The following PTPDC1 variants were observed in gnomAD, a reference collection of about 807,000 sequenced individuals.
PTPDC1 encodes the protein protein tyrosine phosphatase domain-containing protein 1.
Under a neutral mutation model 75.3 loss-of-function variants are expected in PTPDC1, and 53 were observed. That is an observed-to-expected ratio of 0.70 (90% confidence interval 0.56 to 0.88). The LOEUF is 0.88. Among genes scored for constraint, PTPDC1 ranks in the 40% least tolerant of loss-of-function variants. The pLI is 0.00. For synonymous variants in PTPDC1, 349 were observed against 366.2 expected, an observed-to-expected ratio of 0.95 and a Z score of 0.54; for missense variants, 925 against 998.6, an observed-to-expected ratio of 0.93 and a Z score of 0.99.
intron 1 of PTPDC1, among the ~76,000 whole-genome samples, chr9:94,043,754 C>G (rs1409141768): frequency 6.6e-6 from 1 of 152,100 alleles, no homozygotes; most frequent in Non-Finnish European, 1.5e-5. Flanking sequence ...AACCAAAGGT[C>G]ATGTAGCTTT....
intron 8 of PTPDC1, among the ~76,000 whole-genome samples, 183 bp from the exon 9 acceptor site, chr9:94,107,645 A>T (rs1828069417): frequency 6.6e-6 from 1 of 152,230 alleles, no homozygotes; most frequent in African/African-American, 2.4e-5. Flanking sequence ...CATAAGTTTG[A>T]TATTGACATG....
At chr9:94,088,030 C>G in intron 3 of PTPDC1, 115 bp from the exon 4 acceptor site, 1 of 1,462,842 alleles carries the variant, frequency 6.8e-7, no homozygotes, top group Non-Finnish European at 9.4e-7. Flanking sequence ...GAGTGTATTT[C>G]AAATGAGAAA....
chr9:94,048,407 T>C (rs555075387), intron 1 of PTPDC1, among the ~76,000 whole-genome samples: 1 of 152,334 alleles, frequency 6.6e-6, no homozygotes, highest in East Asian at 1.9e-4. Context: ...ATGTTGTGTC[T>C]TTGTTCTCGT....
At chr9:94,104,840 A>T (rs949178676) in intron 8 of PTPDC1, among the ~76,000 whole-genome samples, 2 of 152,220 alleles carry the variant, frequency 1.3e-5, no homozygotes, top group Admixed American at 6.5e-5. Context: ...GTTAAAAAAA[A>T]GGTTTCCTTT....
At chr9:94,075,780 T>A (rs1484081442) in intron 2 of PTPDC1, among the ~76,000 whole-genome samples, 1 of 152,182 alleles carries the variant, frequency 6.6e-6, no homozygotes, top group Non-Finnish European at 1.5e-5. Context: ...CTTTTTGCTT[T>A]ATTAAGGAAA....
intron 2 of PTPDC1, among the ~76,000 whole-genome samples, chr9:94,072,214 C>T (rs763327848): frequency 2.0e-5 from 3 of 152,170 alleles, no homozygotes; most frequent in African/African-American, 4.8e-5. Context: ...CCATGTTGCC[C>T]AGGCTGGTCT....
intron 5 of PTPDC1, among the ~76,000 whole-genome samples, chr9:94,096,030 T>C (rs1702815588): frequency 6.6e-6 from 1 of 152,202 alleles, no homozygotes; most frequent in South Asian, 2.1e-4. Context: ...TATAAGGATT[T>C]TGTTTGTGAA....
At chr9:94,101,501 G>A in intron 6 of PTPDC1, 65 bp from the exon 7 acceptor site, 1 of 1,274,328 alleles carries the variant, frequency 7.8e-7, no homozygotes, top group African/African-American at 1.5e-5. Flanking sequence ...GTGTCAAATG[G>A]TGCACCTCCC....
Position 94,088,213 on chromosome 9 carries a change from A to G in PTPDC1, c.566A>G (p.Glu189Gly). ...GEHASCGNPL[E>G]QESGFTYLPE... Reference sequence around the variant, plus strand: ...CATGCTAGCTGTGGGAACCCTCTGGAACAAGAAAGTGGCTTCACATACCTT... The same window carrying G: ...CATGCTAGCTGTGGGAACCCTCTGGGACAAGAAAGTGGCTTCACATACCTT... Residue 189 changes from glutamate to glycine, a missense_variant, in exon 4 of 9, where the codon GAA (glutamate) becomes GGA (glycine). Transcript: ENST00000620992. 2 of 1,613,990 alleles carry G rather than the reference A, an allele frequency of 1.2e-6. No individual in the cohort carries two copies. The highest frequency in any genetic ancestry group is 1.7e-6 in the Non-Finnish European group (2 of 1,179,964).
upstream of PTPDC1, among the ~76,000 whole-genome samples, chr9:94,083,328 A>G (rs1264053659): frequency 6.6e-6 from 1 of 152,134 alleles, no homozygotes; most frequent in African/African-American, 2.4e-5. Flanking sequence ...GCATGATACT[A>G]TACATAGAGT....
At chr9:94,035,883 A>AT (rs754676176) in intron 1 of PTPDC1, among the ~76,000 whole-genome samples, 2 of 152,058 alleles carry the variant, frequency 1.3e-5, no homozygotes, top group Non-Finnish European at 2.9e-5. Flanking sequence ...GTGTGAGGTG[A>AT]TATCTCCTCA....
At chr9:94,075,765 A>G (rs886572983) in intron 2 of PTPDC1, among the ~76,000 whole-genome samples, 8 of 152,192 alleles carry the variant, frequency 5.3e-5, no homozygotes, top group Non-Finnish European at 7.4e-5. Context: ...AAGTCTGCCT[A>G]GTAGCTTTTT....
In PTPDC1 at chr9:94,070,315, G is replaced by A. The variant is rs532795702; in HGVS notation, c.82+5494G>A. On this transcript the variant is annotated intron_variant, in intron 2 of 9. Coordinates refer to the PTPDC1 transcript ENST00000375360. ...CGGCTGTATTTTCCACACAGGGCCC[G>A]TACCCTGCCAGGCCCCACAGCATAT... Among the ~76,000 whole-genome samples, 38 of 152,060 alleles carry A rather than the reference G, an allele frequency of 2.5e-4. No homozygotes were observed. In the East Asian group the frequency reaches 3.3e-3, roughly 13 times the overall value.
chr9:94,033,700 T>A (rs1421443127), intron 1 of PTPDC1, among the ~76,000 whole-genome samples: 3 of 152,248 alleles, frequency 2.0e-5, no homozygotes, highest in Admixed American at 1.3e-4. Flanking sequence ...TCTCTCACTC[T>A]CTTTAGAGCA....
At chr9:94,032,302 G>A (rs1829743680) in intron 1 of PTPDC1, among the ~76,000 whole-genome samples, 1 of 152,112 alleles carries the variant, frequency 6.6e-6, no homozygotes, top group Non-Finnish European at 1.5e-5. Flanking sequence ...GGACAGGGCT[G>A]GAGGATCTGC....
At chr9:94,064,799 C>T (rs771782518) in exon 2 of PTPDC1, 16 of 1,612,530 alleles carry the variant, frequency 9.9e-6, no homozygotes, top group South Asian at 2.2e-5. Context: ...TGAATAACAG[C>T]GAGTGTGTTG....
chr9:94,097,899 C>T lies in PTPDC1; in HGVS notation c.1333C>T (p.Leu445Phe). 1 of 1,614,202 alleles carries T rather than the reference C, an allele frequency of 6.2e-7. No individual in the cohort carries two copies. Among genetic ancestry groups the T allele is most frequent in the East Asian group, 2.2e-5 (1 of 44,880 alleles). Residue 445 changes from leucine (L) to phenylalanine (F), a missense_variant, in exon 6 of 9, where the codon CTC becomes TTC. Leu to Phe is a conservative substitution (Grantham distance 22, BLOSUM62 0). Transcript: ENST00000620992. The part of the protein sequence containing the change: ...LQPLTHLKRR[L>F]SYSDSDLKRA... ...ACCCCTGACTCATCTGAAAAGGCGG[C>T]TCAGCTACAGTGACTCAGATTTAAA... is the stretch of plus-strand genomic sequence containing the variant.
intron 1 of PTPDC1, among the ~76,000 whole-genome samples, chr9:94,046,361 GT>G (rs1307251323): frequency 6.6e-6 from 1 of 152,162 alleles, no homozygotes; most frequent in Non-Finnish European, 1.5e-5. Flanking sequence ...CTTTAGAGTA[GT>G]TTTTTCCAAT....
At chr9:94,048,034 T>C (rs561303551) in intron 1 of PTPDC1, among the ~76,000 whole-genome samples, 9 of 152,280 alleles carry the variant, frequency 5.9e-5, no homozygotes, top group African/African-American at 1.7e-4. Flanking sequence ...TTCCAATCAA[T>C]AGAAAAAGAG....
Sources: gnomAD v4.1 joint callset for allele counts (sites outside exome capture counted in the v4.1 genomes callset) on GRCh38, gnomAD v4.1.1 for gene constraint, MANE v1.5 for transcripts, NCBI Gene and HGNC (gene_info 2026-07-23, HGNC 2026-07-21) for gene names.